NRK: variants seen among roughly 807,000 people sequenced by gnomAD.
NRK encodes the protein Nik related kinase, also known as nik-related protein kinase.
NRK carries 67 observed loss-of-function variants against 125.2 expected under a neutral mutation model. The ratio of observed to expected loss-of-function variants is 0.54; its 90% CI spans 0.44 to 0.66. The LOEUF (loss-of-function observed/expected upper bound fraction) is 0.66, where lower values mean the gene tolerates loss of function less well. Among genes scored for constraint, NRK ranks in the 30% least tolerant of loss-of-function variants. The pLI is 0.00. For synonymous variants in NRK, 458 were observed against 429.0 expected (o/e 1.07, Z -0.84); for missense variants, 1,224 against 1,192.9 (o/e 1.03, Z -0.38).
At chrX:105,849,041 T>C (rs2039436459) in intron 2 of NRK, among the ~76,000 whole-genome samples, 1 of 111,928 alleles carries the variant, frequency 8.9e-6, no homozygotes, top group Admixed American at 9.5e-5. Context: ...TTGTGCCTTA[T>C]GCGGCCCTGT....
intron 5 of NRK, among the ~76,000 whole-genome samples, chrX:105,893,529 GTTC>G (rs2040040947): frequency 9.0e-6 from 1 of 111,659 alleles, no homozygotes; most frequent in Non-Finnish European, 1.9e-5. Flanking sequence ...TAAATGGAAT[GTTC>G]TTCCTTTTAA....
At chrX:105,888,811 G>A (rs979795515) in intron 5 of NRK, among the ~76,000 whole-genome samples, 17 of 110,826 alleles carry the variant, frequency 1.5e-4, no homozygotes, top group African/African-American at 5.3e-4. Context: ...TCACTGCCAT[G>A]AGAACAGCGT....
intron 20 of NRK, 28 bp from the exon 21 acceptor site, chrX:105,935,142 T>G: frequency 1.8e-6 from 2 of 1,131,386 alleles, no homozygotes; most frequent in Non-Finnish European, 2.4e-6. Flanking sequence ...GTAATTTCCC[T>G]TATTATCTTC....
At chrX:105,861,082 T>C (rs1462678899) in intron 2 of NRK, among the ~76,000 whole-genome samples, 1 of 111,572 alleles carries the variant, frequency 9.0e-6, no homozygotes, top group African/African-American at 3.3e-5. Flanking sequence ...TACAGCATTT[T>C]CCATTCTTAC....
At position 105,937,463 on chromosome X, in the gene NRK, G is replaced by T; in HGVS notation, c.3680G>T (p.Arg1227Leu). The T allele has an allele frequency of 8.4e-7, 1 of 1,188,885 alleles. No homozygotes were observed. Among genetic ancestry groups the T allele is most frequent in the Admixed American group, 2.2e-5 (1 of 45,012 alleles). Reference protein sequence around the residue: ...LWGVNLLLGTRSNLYLMDRSG... With the variant: ...LWGVNLLLGTLSNLYLMDRSG... The stretch of plus-strand genomic sequence containing the variant: ...GGAGTCAATTTGCTGTTGGGAACCC[G>T]ATCTAATCTATATCTGATGGACAGA... Residue 1227 changes from arginine to leucine, a missense_variant, in exon 22 of 29, where the codon CGA (arginine) becomes CTA (leucine). Transcript: ENST00000243300.
chrX:105,871,757 T>G (rs1231376648), intron 2 of NRK, among the ~76,000 whole-genome samples: 1 of 111,871 alleles, frequency 8.9e-6, no homozygotes, highest in Admixed American at 9.5e-5. Context: ...TAAGTTTCAT[T>G]TATGTTGCTA....
intron 2 of NRK, among the ~76,000 whole-genome samples, chrX:105,863,289 C>A (rs1415817852): frequency 9.5e-6 from 1 of 105,209 alleles, no homozygotes; most frequent in Non-Finnish European, 1.9e-5. Flanking sequence ...TTAGACTGGC[C>A]AAACTTCAGA....
chrX:105,833,101 G>A (rs1046447258), intron 2 of NRK, among the ~76,000 whole-genome samples: 5 of 111,718 alleles, frequency 4.5e-5, no homozygotes, highest in African/African-American at 1.6e-4. Context: ...AGTAGAAATA[G>A]CATGTGGACA....
chrX:105,835,926 C>A (rs906800044), intron 2 of NRK, among the ~76,000 whole-genome samples: 1 of 111,712 alleles, frequency 9.0e-6, no homozygotes, highest in Admixed American at 9.5e-5. Context: ...ATGCTTGCAA[C>A]CAAAATATCT....
intron 13 of NRK, 51 bp downstream of exon 13, chrX:105,909,933 G>A: frequency 3.0e-6 from 3 of 1,012,218 alleles, no homozygotes; most frequent in Non-Finnish European, 3.9e-6. Context: ...GAGAAAATGT[G>A]ATAGCTCATG....
chrX:105,888,232 T>C (rs17332342), intron 4 of NRK, 62 bp from the exon 5 acceptor site: 89,803 of 984,121 alleles, frequency 0.091, 3,485 homozygotes, highest in Non-Finnish European at 0.11. Flanking sequence ...TACTGTACTT[T>C]AGGGACTTAT....
Position 105,955,872 on chromosome X carries a change from G to T in NRK, c.*272G>T. 1 of 201,291 alleles carries T rather than the reference G, an allele frequency of 5.0e-6. No individual in the cohort carries two copies. The allele number at this position is 201,291 out of a possible 1,213,427, so 16.6% of individuals were successfully genotyped here. A position where few individuals can be genotyped will look rare whatever the true frequency, so the allele number is the denominator to read the frequency against. ...ACTGTGAATTCAAACATTACTCTTTGGACAGTTTGGACAGTATCTGTATTC... is the reference window on the plus strand; with the variant it reads ...ACTGTGAATTCAAACATTACTCTTTTGACAGTTTGGACAGTATCTGTATTC... On this transcript the variant is annotated 3_prime_UTR_variant, in exon 29 of 29. Transcript: ENST00000243300.
intron 2 of NRK, among the ~76,000 whole-genome samples, chrX:105,870,172 G>A (rs1165103181): frequency 9.0e-6 from 1 of 111,435 alleles, no homozygotes; most frequent in Non-Finnish European, 1.9e-5. Flanking sequence ...TCATTCGGAG[G>A]GAAAAAAAGA....
At chrX:105,826,562 A>G in intron 1 of NRK, among the ~76,000 whole-genome samples, 1 of 105,957 alleles carries the variant, frequency 9.4e-6, no homozygotes, top group Middle Eastern at 4.9e-3. Flanking sequence ...TGACACTGCC[A>G]TGTGCAGTCC....
chrX:105,918,536 C>A (rs1378681215), intron 16 of NRK, among the ~76,000 whole-genome samples: 1 of 111,554 alleles, frequency 9.0e-6, no homozygotes, highest in African/African-American at 3.2e-5. Context: ...TGGCAGAGTT[C>A]TTTTAAATAG....
chrX:105,887,306 G>A (rs765433570), intron 4 of NRK, among the ~76,000 whole-genome samples: 1 of 111,661 alleles, frequency 9.0e-6, no homozygotes, highest in Non-Finnish European at 1.9e-5. Flanking sequence ...AGAACATATC[G>A]GCAATAGGCA....
At chrX:105,935,621 G>T (rs929049325) in intron 21 of NRK, among the ~76,000 whole-genome samples, 15 of 108,111 alleles carry the variant, frequency 1.4e-4, no homozygotes, top group Non-Finnish European at 2.9e-4. Flanking sequence ...GTGAAACTTT[G>T]TACTAAAAAT....
intron 27 of NRK, among the ~76,000 whole-genome samples, chrX:105,950,747 T>C (rs1175754212): frequency 9.1e-6 from 1 of 110,060 alleles, no homozygotes; most frequent in Non-Finnish European, 1.9e-5. Flanking sequence ...ATATGAACTA[T>C]GTACTTGGAC....
chrX:105,903,580 T>A (rs1165291884), intron 9 of NRK, among the ~76,000 whole-genome samples: 1 of 111,934 alleles, frequency 8.9e-6, no homozygotes, highest in Non-Finnish European at 1.9e-5. Context: ...GATGAACATT[T>A]AGGTAGTGTT....
Sources: allele counts gnomAD v4.1 joint callset (sites outside exome capture counted in the v4.1 genomes callset), GRCh38; gene constraint gnomAD v4.1.1; transcripts MANE v1.5; gene names NCBI Gene and HGNC (gene_info 2026-07-23, HGNC 2026-07-21).